Variants in TAFA2 observed in about 807,000 individuals in gnomAD.
The protein encoded by TAFA2 is chemokine-like protein TAFA-2.
TAFA2 carries 7 observed loss-of-function variants against 18.8 expected under a neutral mutation model. The ratio of observed to expected loss-of-function variants is 0.37; its 90% CI spans 0.21 to 0.70. TAFA2 has a LOEUF of 0.70. TAFA2 is among the 30% of genes least tolerant of loss of function. TAFA2 has a pLI of 0.53. For missense variants in TAFA2, 122 were observed against 158.1 expected (o/e 0.77, Z 1.23); for synonymous variants, 60 against 54.2 (o/e 1.11, Z -0.47).
At position 61,999,506 on chromosome 12, in the gene TAFA2, C is replaced by T. The variant is rs192094307; in HGVS notation, c.-1-132080G>A. Among the ~76,000 whole-genome samples the T allele has an allele frequency of 1.6e-4, 25 of 152,304 alleles. No individual in the cohort carries two copies. The South Asian group carries it at 1.7e-3, about 10-fold the overall frequency. On this transcript the variant is annotated intron_variant, in intron 1 of 4. Coordinates refer to ENST00000416284, the MANE Select transcript of TAFA2 (RefSeq NM_178539.5). ...TCCTAAAATTCAAGATTAGGCCATTCGTTCATTCATTGTTGGTGAATTGAC... is the reference window on the plus strand; with the variant it reads ...TCCTAAAATTCAAGATTAGGCCATTTGTTCATTCATTGTTGGTGAATTGAC...
chr12:62,084,174 T>C (rs1325104588), intron 1 of TAFA2, among the ~76,000 whole-genome samples: 1 of 152,188 alleles, frequency 6.6e-6, no homozygotes, highest in Non-Finnish European at 1.5e-5. Flanking sequence ...CCCCTCACTA[T>C]TTTACATTCC....
chr12:61,831,538 C>T (rs1449403991), intron 2 of TAFA2, among the ~76,000 whole-genome samples: 1 of 152,032 alleles, frequency 6.6e-6, no homozygotes, highest in Non-Finnish European at 1.5e-5. Flanking sequence ...TCTAGATCAC[C>T]TCACTCCTAT....
chr12:61,971,376 T>C (rs1444061760), intron 1 of TAFA2, among the ~76,000 whole-genome samples: 1 of 151,716 alleles, frequency 6.6e-6, no homozygotes, highest in Non-Finnish European at 1.5e-5. Context: ...TTAGGAGATA[T>C]ACCTAATGTT....
At chr12:62,206,286 A>G (rs1172541384) in intron 1 of TAFA2, among the ~76,000 whole-genome samples, 3 of 152,196 alleles carry the variant, frequency 2.0e-5, no homozygotes, top group African/African-American at 7.2e-5. Flanking sequence ...AAGTACAAGA[A>G]GTTTGTCTAG....
chr12:61,745,709 C>T (rs955089866), intron 4 of TAFA2, among the ~76,000 whole-genome samples: 1 of 151,814 alleles, frequency 6.6e-6, no homozygotes, highest in African/African-American at 2.4e-5. Flanking sequence ...CAAACAAACA[C>T]TAATCTAAGC....
intron 4 of TAFA2, among the ~76,000 whole-genome samples, chr12:61,737,461 A>G (rs1947354765): frequency 6.6e-6 from 1 of 151,878 alleles, no homozygotes; most frequent in African/African-American, 2.4e-5. Flanking sequence ...ATGAATATAG[A>G]TTTTCAGAGA....
chr12:62,188,737 A>G (rs896971101), intron 1 of TAFA2, among the ~76,000 whole-genome samples: 7 of 152,206 alleles, frequency 4.6e-5, no homozygotes, highest in African/African-American at 1.7e-4. Context: ...ATTTTCTGAT[A>G]AAATATAAAA....
intron 2 of TAFA2, among the ~76,000 whole-genome samples, chr12:61,822,472 G>A (rs12320743): frequency 0.024 from 3,687 of 152,140 alleles, 150 homozygotes; most frequent in African/African-American, 0.084. Context: ...GAATAGAAAC[G>A]CAACTGTGAA....
chr12:62,235,361 G>A (rs2062832175), intron 1 of TAFA2: 2 of 652,348 alleles, frequency 3.1e-6, no homozygotes, highest in Non-Finnish European at 5.6e-6. Context: ...GTAGGCCATG[G>A]TTCCAAGAGG....
chr12:61,825,926 G>T (rs1872522666), intron 2 of TAFA2, among the ~76,000 whole-genome samples: 1 of 151,930 alleles, frequency 6.6e-6, no homozygotes, highest in East Asian at 1.9e-4. Flanking sequence ...CTGTAAAAAT[G>T]GAACATAACC....
At chr12:62,146,174 G>T (rs1446923847) in intron 1 of TAFA2, among the ~76,000 whole-genome samples, 1 of 151,862 alleles carries the variant, frequency 6.6e-6, no homozygotes, top group African/African-American at 2.4e-5. Flanking sequence ...TTTCTTGGAG[G>T]CCCTCTCATC....
intron 1 of TAFA2, among the ~76,000 whole-genome samples, chr12:61,913,236 A>G (rs1169919254): frequency 2.0e-5 from 3 of 152,154 alleles, no homozygotes; most frequent in Non-Finnish European, 4.4e-5. Flanking sequence ...ATACAGAGGG[A>G]AAGAAGGTGT....
At chr12:62,177,372 T>C (rs1408359918) in intron 1 of TAFA2, among the ~76,000 whole-genome samples, 1 of 152,246 alleles carries the variant, frequency 6.6e-6, no homozygotes, top group Non-Finnish European at 1.5e-5. Context: ...TGCTGCAAGC[T>C]GGGCAAAAAC....
At chr12:62,113,689 C>A (rs925023318) in intron 1 of TAFA2, among the ~76,000 whole-genome samples, 44 of 152,132 alleles carry the variant, frequency 2.9e-4, no homozygotes, top group African/African-American at 1.0e-3. Context: ...AGATGCCCTG[C>A]CCAGAGAGGA....
intron 1 of TAFA2, among the ~76,000 whole-genome samples, chr12:61,919,809 A>G (rs1230465093): frequency 6.6e-6 from 1 of 152,048 alleles, no homozygotes; most frequent in African/African-American, 2.4e-5. Context: ...TAAATTTCTA[A>G]TAAGAGTAAG....
chr12:61,851,688 T>C (rs1873657589), intron 2 of TAFA2, among the ~76,000 whole-genome samples: 1 of 141,940 alleles, frequency 7.0e-6, no homozygotes, highest in African/African-American at 2.6e-5. Flanking sequence ...GGCAGGAGAA[T>C]GGCATGAACC....
At chr12:61,795,426 T>C (rs1300000893) in intron 2 of TAFA2, among the ~76,000 whole-genome samples, 2 of 152,112 alleles carry the variant, frequency 1.3e-5, no homozygotes, top group African/African-American at 2.4e-5. Flanking sequence ...TCATGTCCTT[T>C]GTAGGGACAT....
At chr12:62,068,096 CA>C (rs201623390) in intron 1 of TAFA2, among the ~76,000 whole-genome samples, 11 of 146,528 alleles carry the variant, frequency 7.5e-5, no homozygotes, top group East Asian at 3.9e-4. Context: ...TTCCTTTTAC[CA>C]AAAAAAAAAT....
chr12:61,993,716 T>C (rs530194925), intron 1 of TAFA2, among the ~76,000 whole-genome samples: 180 of 152,296 alleles, frequency 1.2e-3, no homozygotes, highest in Admixed American at 2.2e-3. Context: ...ATGGTGTAAA[T>C]TGGGGACTCT....
Sources: gnomAD v4.1 joint callset for allele counts (sites outside exome capture counted in the v4.1 genomes callset) on GRCh38, gnomAD v4.1.1 for gene constraint, MANE v1.5 for transcripts, NCBI Gene and HGNC (gene_info 2026-07-23, HGNC 2026-07-21) for gene names.